RALYL: variants seen among roughly 807,000 people sequenced by gnomAD.
RALYL encodes the protein RALY RNA binding protein like, also known as RNA-binding Raly-like protein.
A neutral mutation model predicts 35.1 loss-of-function variants in RALYL; 29 were observed. The ratio of observed to expected loss-of-function variants is 0.83; its 90% confidence interval spans 0.61 to 1.13. RALYL has a LOEUF of 1.13. Ranked by LOEUF, RALYL falls within the 50% of genes most tolerant of loss-of-function variation. The pLI is 0.00. For missense variants in RALYL, 359 were observed against 360.4 expected (o/e 1.00, Z 0.03); for synonymous variants, 120 against 127.6 (o/e 0.94, Z 0.40).
intron 2 of RALYL, among the ~76,000 whole-genome samples, chr8:84,569,012 A>C (rs1464865703): frequency 1.1e-4 from 16 of 144,788 alleles, no homozygotes; most frequent in Non-Finnish European, 1.2e-4. Flanking sequence ...GTTCACTCTG[A>C]TGGTAGTTTC....
chr8:84,225,654 T>G (rs1823699355), intron 1 of RALYL, among the ~76,000 whole-genome samples: 1 of 152,216 alleles, frequency 6.6e-6, no homozygotes, highest in Non-Finnish European at 1.5e-5. Context: ...TGTCTGAGAT[T>G]TTATTCCATC....
chr8:84,616,873 C>G (rs1273777534), intron 2 of RALYL, among the ~76,000 whole-genome samples: 1 of 151,354 alleles, frequency 6.6e-6, no homozygotes, highest in African/African-American at 2.4e-5. Context: ...GCTTGTTTTT[C>G]TCAGGTTTGT....
Position 84,754,200 on chromosome 8 carries a change from A to G in RALYL, c.257-20379A>G, listed in dbSNP as rs529213234. 5.9e-5 allele frequency among the ~76,000 whole-genome samples: 9 copies of G among 152,188 alleles called. No homozygotes were observed. The South Asian group carries it at 1.7e-3, about 28-fold the overall frequency. On this transcript the variant is annotated intron_variant, in intron 2 of 8. Transcript: ENST00000521268. ...TGCCATTGCTTTTGGTGTTTTGGAC[A>G]TGAAGTCCTTGCCCACAATGTGCAC...
chr8:84,261,268 T>A (rs553842509), intron 1 of RALYL, among the ~76,000 whole-genome samples: 9 of 146,434 alleles, frequency 6.1e-5, no homozygotes, highest in Non-Finnish European at 1.1e-4. Context: ...ATTGATAGAG[T>A]TTGGCTGTGT....
chr8:84,238,802 A>G (rs1827199712), intron 1 of RALYL, among the ~76,000 whole-genome samples: 1 of 152,214 alleles, frequency 6.6e-6, no homozygotes, highest in South Asian at 2.1e-4. Context: ...ACAGCAATTC[A>G]GAAAACAGGC....
intron 1 of RALYL, among the ~76,000 whole-genome samples, chr8:84,342,616 A>G (rs1190820105): frequency 1.3e-5 from 2 of 151,956 alleles, no homozygotes; most frequent in African/African-American, 4.8e-5. Context: ...TGTTTGACCT[A>G]GGCTTCATAT....
intron 5 of RALYL, among the ~76,000 whole-genome samples, chr8:84,857,393 A>G (rs1190056881): frequency 6.6e-6 from 1 of 152,250 alleles, no homozygotes; most frequent in East Asian, 1.9e-4. Context: ...AAGGAAAAAG[A>G]AGAATTGTTT....
intron 2 of RALYL, among the ~76,000 whole-genome samples, chr8:84,766,079 A>G (rs1372656334): frequency 6.6e-6 from 1 of 152,188 alleles, no homozygotes; most frequent in African/African-American, 2.4e-5. Flanking sequence ...AATTATATTT[A>G]ATTTAAAAGA....
At chr8:84,740,789 T>C (rs1218961703) in intron 2 of RALYL, among the ~76,000 whole-genome samples, 4 of 152,036 alleles carry the variant, frequency 2.6e-5, no homozygotes, top group African/African-American at 9.7e-5. Flanking sequence ...ATTTCTGTTA[T>C]TCTGGCACAA....
intron 1 of RALYL, among the ~76,000 whole-genome samples, chr8:84,204,026 C>T (rs562066705): frequency 1.3e-5 from 2 of 148,582 alleles, no homozygotes; most frequent in East Asian, 3.9e-4. Flanking sequence ...ATCATATATA[C>T]TCAGTGTATA....
intron 8 of RALYL, among the ~76,000 whole-genome samples, chr8:84,901,138 C>A (rs923691994): frequency 1.3e-5 from 2 of 152,062 alleles, no homozygotes; most frequent in African/African-American, 2.4e-5. Context: ...TGGGTTTATA[C>A]AACTGGCAAG....
chr8:84,301,857 T>C (rs1168364522), intron 1 of RALYL, among the ~76,000 whole-genome samples: 1 of 152,136 alleles, frequency 6.6e-6, no homozygotes, highest in African/African-American at 2.4e-5. Flanking sequence ...CTTATCTTTT[T>C]CTTCTCCTTA....
intron 1 of RALYL, among the ~76,000 whole-genome samples, chr8:84,418,949 CTCCCTAATAAT>C (rs1179937439): frequency 6.6e-6 from 1 of 152,116 alleles, no homozygotes; most frequent in Admixed American, 6.6e-5. Context: ...GTCTAAGTAT[CTCCCTAATAAT>C]TCCCAACATT....
chr8:84,481,243 T>G (rs1490551027), intron 1 of RALYL, among the ~76,000 whole-genome samples: 4 of 152,196 alleles, frequency 2.6e-5, no homozygotes, highest in African/African-American at 9.6e-5. Context: ...AATACAATTT[T>G]TTTTGTATAT....
chr8:84,762,466 T>C (rs1812947704), intron 2 of RALYL, among the ~76,000 whole-genome samples: 1 of 152,214 alleles, frequency 6.6e-6, no homozygotes, highest in Non-Finnish European at 1.5e-5. Flanking sequence ...TAATGGCTTT[T>C]TACTTTACAT....
At chr8:84,186,954 A>C (rs566952371) in intron 1 of RALYL, among the ~76,000 whole-genome samples, 2 of 152,224 alleles carry the variant, frequency 1.3e-5, no homozygotes, top group South Asian at 4.1e-4. Context: ...CATGGAAAAA[A>C]TGTATTTTTT....
chr8:84,193,231 A>T (rs966913363), intron 1 of RALYL, among the ~76,000 whole-genome samples: 2 of 152,160 alleles, frequency 1.3e-5, no homozygotes, highest in African/African-American at 4.8e-5. Flanking sequence ...TGAAGGAAGG[A>T]TATTTTTAAA....
At position 84,347,043 on chromosome 8, in the gene RALYL, C is replaced by CA. The variant is rs1314450820; in HGVS notation, c.-24+162626dup. Among the ~76,000 whole-genome samples, 9 of 151,884 alleles carry CA rather than the reference C, an allele frequency of 5.9e-5. No homozygotes were observed. In the South Asian group the frequency reaches 1.2e-3, roughly 21 times the overall value. ...TGAAACCTCGTCCCTACTAAAAATACAAAAAAACTTAGCCAGGCTTGGTAA... is the reference window on the plus strand; with the variant it reads ...TGAAACCTCGTCCCTACTAAAAATACAAAAAAAACTTAGCCAGGCTTGGTAA... On this transcript the variant is annotated intron_variant, in intron 1 of 8. Coordinates refer to ENST00000521268, the MANE Select transcript of RALYL (RefSeq NM_173848.7).
At chr8:84,442,644 T>G (rs2048461737) in intron 1 of RALYL, among the ~76,000 whole-genome samples, 1 of 152,144 alleles carries the variant, frequency 6.6e-6, no homozygotes, top group Non-Finnish European at 1.5e-5. Flanking sequence ...TAGGAATGCT[T>G]CTTCCCTCAC....
Sources: allele counts gnomAD v4.1 joint callset (sites outside exome capture counted in the v4.1 genomes callset), GRCh38; gene constraint gnomAD v4.1.1; transcripts MANE v1.5; gene names NCBI Gene and HGNC (gene_info 2026-07-23, HGNC 2026-07-21).